ERC1: variants seen among roughly 807,000 people sequenced by gnomAD.
The protein encoded by ERC1 is ELKS/RAB6-interacting/CAST family member 1, also known as RAB6 interacting protein 2.
ERC1 carries 56 observed loss-of-function variants against 132.0 expected under a neutral mutation model. That is an observed-to-expected ratio of 0.42 (90% CI 0.34 to 0.53). ERC1 has a LOEUF of 0.53. Ranked by LOEUF, ERC1 falls within the 20% of genes least tolerant of loss-of-function variation. The probability of loss-of-function intolerance (pLI) is 0.03; values close to 1 mark genes in which losing one functional copy is unlikely to be tolerated. For synonymous variants in ERC1, 478 were observed against 476.1 expected, an observed-to-expected ratio of 1.00 and a Z score of -0.05; for missense variants, 1,202 against 1,349.9, an observed-to-expected ratio of 0.89 and a Z score of 1.72.
At chr12:1,402,950 T>C (rs192910741) in intron 16 of ERC1, among the ~76,000 whole-genome samples, 28 of 152,346 alleles carry the variant, frequency 1.8e-4, no homozygotes, top group African/African-American at 6.3e-4. Flanking sequence ...CAAATCTAAT[T>C]AGAATTTAAA....
intron 17 of ERC1, among the ~76,000 whole-genome samples, chr12:1,414,058 G>A (rs986009446): frequency 1.3e-5 from 2 of 152,104 alleles, no homozygotes; most frequent in African/African-American, 2.4e-5. Context: ...TAGGGTTTGC[G>A]CTCCCGTGAG....
At chr12:1,009,417 G>A (rs12370207) in intron 1 of ERC1, among the ~76,000 whole-genome samples, 4,333 of 152,012 alleles carry the variant, frequency 0.029, 103 homozygotes, top group South Asian at 0.11. Flanking sequence ...CTCGTGATCC[G>A]CCCACCTCGG....
intron 1 of ERC1, among the ~76,000 whole-genome samples, chr12:1,008,724 A>C (rs1027223358): frequency 6.6e-6 from 1 of 152,260 alleles, no homozygotes; most frequent in African/African-American, 2.4e-5. Context: ...TCTGTAAATC[A>C]TAAAATTTAC....
intron 11 of ERC1, among the ~76,000 whole-genome samples, chr12:1,187,424 A>G (rs1286777983): frequency 6.6e-6 from 1 of 150,980 alleles, no homozygotes; most frequent in Middle Eastern, 3.2e-3. Context: ...TATTATCTTT[A>G]TCATTATTAT....
At chr12:1,378,252 C>CAT (rs1459065746) in intron 16 of ERC1, among the ~76,000 whole-genome samples, 1 of 152,104 alleles carries the variant, frequency 6.6e-6, no homozygotes, top group African/African-American at 2.4e-5. Flanking sequence ...GGGCCCTGAC[C>CAT]GCTCCCCGTT....
chr12:999,854 C>CA (rs1961840192), intron 1 of ERC1, among the ~76,000 whole-genome samples: 1 of 152,264 alleles, frequency 6.6e-6, no homozygotes, highest in South Asian at 2.1e-4. Context: ...CTTGGCCTCC[C>CA]AGAGTGCTGG....
intron 2 of ERC1, among the ~76,000 whole-genome samples, chr12:1,039,854 A>T (rs1430112907): frequency 1.3e-5 from 2 of 152,150 alleles, no homozygotes; most frequent in Non-Finnish European, 2.9e-5. Context: ...TGCTTATGGG[A>T]GTAAGAAGTG....
intron 16 of ERC1, among the ~76,000 whole-genome samples, chr12:1,385,524 TAA>T (rs1566736762): frequency 6.6e-6 from 1 of 152,134 alleles, no homozygotes; most frequent in Non-Finnish European, 1.5e-5. Flanking sequence ...GACCTCGTGA[TAA>T]CGCCCGCCTC....
chr12:1,360,916 AAAAT>A (rs1255476132), intron 15 of ERC1, among the ~76,000 whole-genome samples: 1 of 151,890 alleles, frequency 6.6e-6, no homozygotes, highest in African/African-American at 2.4e-5. Flanking sequence ...CTCTCTAATA[AAAAT>A]AAATAAATAG....
chr12:1,104,909 T>C (rs958324114), intron 4 of ERC1, 85 bp downstream of exon 4: 47 of 811,192 alleles, frequency 5.8e-5, no homozygotes, highest in Non-Finnish European at 9.6e-5. Context: ...TGTTAGGAAA[T>C]GGCATGTAAT....
intron 17 of ERC1, among the ~76,000 whole-genome samples, chr12:1,423,389 C>T (rs1034095578): frequency 2.6e-5 from 4 of 152,188 alleles, no homozygotes; most frequent in Non-Finnish European, 5.9e-5. Context: ...TTTAACGTGC[C>T]TTTGTTTATC....
In ERC1 at chr12:1,016,635, C is replaced by CTT. The variant is rs397967271; in HGVS notation, c.-156-11097_-156-11096dup. On this transcript the variant is annotated intron_variant, in intron 1 of 18. Coordinates refer to ENST00000360905, the MANE Select transcript of ERC1 (RefSeq NM_178040.4). ...CCATTGGGATCAGTGCTTTTCTTTT[C>CTT]TTTTTTTTTTTTTTTTTGATTTTTT... 4.8e-3 allele frequency among the ~76,000 whole-genome samples: 612 copies of CTT among 128,018 alleles called. 5 individuals carry two copies. The highest frequency in any genetic ancestry group is 5.8e-3 in the African/African-American group (201 of 34,596). The allele number at this position is 128,018 out of a possible 152,430, so 84.0% of individuals were successfully genotyped here.
At chr12:1,115,200 A>G (rs918346953) in intron 6 of ERC1, among the ~76,000 whole-genome samples, 1 of 152,214 alleles carries the variant, frequency 6.6e-6, no homozygotes, top group African/African-American at 2.4e-5. Context: ...TTCTTAGAAA[A>G]CAGGAATGTA....
At chr12:1,315,453 C>T (rs2081617744) in intron 15 of ERC1, among the ~76,000 whole-genome samples, 1 of 151,950 alleles carries the variant, frequency 6.6e-6, no homozygotes, top group Non-Finnish European at 1.5e-5. Context: ...CAGGTTCAAG[C>T]TATTCTCCTG....
In ERC1 at chr12:1,025,768, C is replaced by T. The variant is rs919571931; in HGVS notation, c.-156-1980C>T. On this transcript the variant is annotated intron_variant, in intron 1 of 18. Coordinates refer to ENST00000360905, the MANE Select transcript of ERC1 (RefSeq NM_178040.4). Reference sequence around the variant, plus strand: ...CTCATGTTGCTAATACAGACATACCCGAGACTAGGTAATTTAAAAAGGAAA... The same window carrying T: ...CTCATGTTGCTAATACAGACATACCTGAGACTAGGTAATTTAAAAAGGAAA... 2.8e-4 allele frequency among the ~76,000 whole-genome samples: 43 copies of T among 151,172 alleles called. 1 individual carries two copies. Among genetic ancestry groups the T allele is most frequent in the Middle Eastern group, 3.4e-3 (1 of 290 alleles).
chr12:1,234,135 A>G (rs1371067747), intron 12 of ERC1, among the ~76,000 whole-genome samples: 2 of 152,206 alleles, frequency 1.3e-5, no homozygotes, highest in East Asian at 3.8e-4. Flanking sequence ...TTAGCCTTTT[A>G]AGGAGACCTA....
chr12:1,350,877 A>G (rs1239520213), intron 15 of ERC1, among the ~76,000 whole-genome samples: 7 of 152,186 alleles, frequency 4.6e-5, no homozygotes, highest in Non-Finnish European at 7.3e-5. Context: ...GGAAGGGGAC[A>G]CATGCAAACA....
chr12:1,035,552 T>G (rs1192660667), intron 2 of ERC1, among the ~76,000 whole-genome samples: 1 of 151,750 alleles, frequency 6.6e-6, no homozygotes, highest in Non-Finnish European at 1.5e-5. Flanking sequence ...AAATTGGGAG[T>G]CAGGAAGGTT....
At chr12:1,005,989 G>A (rs1459576401) in intron 1 of ERC1, among the ~76,000 whole-genome samples, 6 of 145,522 alleles carry the variant, frequency 4.1e-5, no homozygotes, top group South Asian at 2.1e-4. Flanking sequence ...ACAGAGTCTC[G>A]CTCTATCGCC....
Sources: allele counts gnomAD v4.1 joint callset (sites outside exome capture counted in the v4.1 genomes callset), GRCh38; gene constraint gnomAD v4.1.1; transcripts MANE v1.5; gene names NCBI Gene and HGNC (gene_info 2026-07-23, HGNC 2026-07-21).